MYPOP: variants seen among roughly 807,000 people sequenced by gnomAD.
MYPOP encodes myb-related transcription factor, partner of profilin.
In MYPOP, 21 loss-of-function variants were observed where a neutral mutation model predicts 25.7. The ratio of observed to expected loss-of-function variants is 0.82; its 90% CI spans 0.58 to 1.18. MYPOP has a LOEUF of 1.18. Among genes scored for constraint, MYPOP ranks in the 50% most tolerant of loss-of-function variants. MYPOP has a pLI of 0.00. For missense variants in MYPOP, 566 were observed against 588.3 expected, an observed-to-expected ratio of 0.96 and a Z score of 0.39; for synonymous variants, 280 against 247.9, an observed-to-expected ratio of 1.13 and a Z score of -1.22.
Position 45,901,189 on chromosome 19 carries a change from C to G in MYPOP, c.499+86G>C, listed in dbSNP as rs975099755. The G allele has an allele frequency of 2.4e-6, 3 of 1,259,810 alleles. No individual in the cohort carries two copies. Among genetic ancestry groups the G allele is most frequent in the Admixed American group, 3.9e-5 (1 of 25,758 alleles). The allele number at this position is 1,259,810 out of a possible 1,614,324, so 78.0% of individuals were successfully genotyped here. ...AAAATGGGGCGAAGGACAGCATCCA[C>G]CTCACAGGGCTGCAGCAAGGCTTTG... On this transcript the variant is annotated intron_variant, in intron 2 of 2. Transcript: ENST00000322217. The surrounding 1 kb of genome is among the most constrained non-coding windows in gnomAD (Gnocchi z 5.7).
intron 2 of MYPOP, among the ~76,000 whole-genome samples, chr19:45,892,588 T>C (rs1044568674): frequency 3.9e-5 from 6 of 152,190 alleles, no homozygotes; most frequent in Non-Finnish European, 7.3e-5. Context: ...GCTGGGCTTC[T>C]GATCCTCCCC....
chr19:45,893,776 GTATTT>G (rs1967160836), intron 2 of MYPOP, among the ~76,000 whole-genome samples: 1 of 149,344 alleles, frequency 6.7e-6, no homozygotes, highest in African/African-American at 2.5e-5. Context: ...ATTGTACGCT[GTATTT>G]TATTTTACTT....
chr19:45,895,198 G>C (rs926132924), intron 2 of MYPOP, among the ~76,000 whole-genome samples: 1 of 152,004 alleles, frequency 6.6e-6, no homozygotes, highest in Non-Finnish European at 1.5e-5. Context: ...GGGTTACCTG[G>C]CTGTAGCCAC....
At chr19:45,900,138 C>T (rs904690760) in intron 2 of MYPOP, among the ~76,000 whole-genome samples, 8 of 152,188 alleles carry the variant, frequency 5.3e-5, no homozygotes, top group African/African-American at 1.9e-4. Flanking sequence ...CTCCCCTTCT[C>T]CAAACTCTTC....
chr19:45,902,295 G>A (rs1967312912), intron 1 of MYPOP, among the ~76,000 whole-genome samples: 2 of 151,756 alleles, frequency 1.3e-5, no homozygotes, highest in Admixed American at 1.3e-4. Flanking sequence ...GCAACGGGGC[G>A]TCTGTAAGAC....
chr19:45,901,201 G>GC lies in MYPOP; in HGVS notation c.499+73dup. 1 of 1,324,578 alleles carries GC rather than the reference G, an allele frequency of 7.5e-7. No individual in the cohort carries two copies. The highest frequency in any genetic ancestry group is 3.1e-5 in the East Asian group (1 of 32,784). 82.1% of individuals were successfully genotyped at this position (1,324,578 alleles called of 1,614,324 possible). On this transcript the variant is annotated intron_variant, in intron 2 of 2. Transcript: ENST00000322217. The surrounding 1 kb of genome is among the most constrained non-coding windows in gnomAD (Gnocchi z 5.7). ...AGGACAGCATCCACCTCACAGGGCT[G>GC]CAGCAAGGCTTTGATGAGACATGTA... is the stretch of plus-strand genomic sequence containing the variant.
chr19:45,902,386 G>C (rs1484054047), intron 1 of MYPOP, among the ~76,000 whole-genome samples, 184 bp downstream of exon 1: 2 of 152,098 alleles, frequency 1.3e-5, no homozygotes, highest in Admixed American at 1.3e-4. Context: ...GAGCTGGAAC[G>C]ATCAAATATT....
intron 2 of MYPOP, among the ~76,000 whole-genome samples, chr19:45,891,771 A>T (rs1435853192): frequency 1.3e-5 from 2 of 151,568 alleles, no homozygotes; most frequent in Non-Finnish European, 2.9e-5. Context: ...AAGTCAGATC[A>T]TGCCTTGGAA....
chr19:45,890,753 A>C lies in MYPOP; in HGVS notation c.1070T>G (p.Ile357Ser), dbSNP rs1480595193. 3.9e-6 allele frequency: 6 copies of C among 1,552,526 alleles called. No individual in the cohort carries two copies. The Admixed American group carries it at 1.1e-4, about 30-fold the overall frequency. ...GAVVAARGVI[I>S]APRSEEGAPR... ...TGCCCCCTCCTCGCTCCTTGGGGCAATGATCACTCCCCTGGCTGCCACCAC... is the reference window on the plus strand; with the variant it reads ...TGCCCCCTCCTCGCTCCTTGGGGCACTGATCACTCCCCTGGCTGCCACCAC... Residue 357 changes from isoleucine (I) to serine (S), a missense_variant, in exon 3 of 3, where the codon ATT (isoleucine) becomes AGT (serine). Physicochemically the swap from Ile to Ser is moderately radical, Grantham distance 142. Coordinates refer to ENST00000322217, the MANE Select transcript of MYPOP (RefSeq NM_001012643.4).
At position 45,891,296 on chromosome 19, in the gene MYPOP, G is replaced by A; in HGVS notation, c.527C>T (p.Ser176Phe). The A allele has an allele frequency of 6.5e-7, 1 of 1,539,224 alleles. No individual in the cohort carries two copies. The highest frequency in any genetic ancestry group is 8.7e-7 in the Non-Finnish European group (1 of 1,149,912). Residue 176 changes from serine to phenylalanine, a missense_variant, in exon 3 of 3, where the codon TCC becomes TTC. Physicochemically the swap from Ser to Phe is radical, Grantham distance 155. Transcript: ENST00000322217. ...CCGGGCCCATGGCTCCGGGCTGCTG[G>A]AGCCCGCCTTGCTGTGGGCTGATGT... The part of the protein sequence containing the change: ...ADTSAHSKAG[S>F]SSPEPWARPS...
chr19:45,902,612 G>A lies in MYPOP; in HGVS notation c.-95C>T, dbSNP rs1214298986. ...CCGGTGGGTCAGGGCTCGGGCTTCT[G>A]CGGCCTGTTCCCACCCCCCGCCTCC... On this transcript the variant is annotated 5_prime_UTR_variant, in exon 1 of 3. Coordinates refer to ENST00000322217, the MANE Select transcript of MYPOP (RefSeq NM_001012643.4). The A allele has an allele frequency of 6.6e-6, 1 of 152,198 alleles. No individual in the cohort carries two copies. Among genetic ancestry groups the A allele is most frequent in the Non-Finnish European group, 1.5e-5 (1 of 68,038 alleles). 9.4% of individuals were successfully genotyped at this position (152,198 alleles called of 1,614,324 possible).
At chr19:45,894,010 C>T (rs979271862) in intron 2 of MYPOP, among the ~76,000 whole-genome samples, 1 of 151,128 alleles carries the variant, frequency 6.6e-6, no homozygotes, top group East Asian at 2.0e-4. Flanking sequence ...AGGATGGTCT[C>T]GATCTCCTGA....
Position 45,901,817 on chromosome 19 carries a change from G to C in MYPOP, c.-44C>G, listed in dbSNP as rs1171896704. On this transcript the variant is annotated 5_prime_UTR_variant, in exon 2 of 3. Transcript: ENST00000322217. This position sits in a 1 kb window ranked among gnomAD's most constrained non-coding sequence, Gnocchi z 5.7. ...CGTCCTGCCGTCTGGCGCATGGGGG[G>C]CGCCGGCGCTGCGGGCAAAGGGCGC... The C allele has an allele frequency of 1.8e-5, 24 of 1,341,712 alleles. No individual in the cohort carries two copies. The highest frequency in any genetic ancestry group is 2.2e-5 in the Non-Finnish European group (23 of 1,049,166). The allele number at this position is 1,341,712 out of a possible 1,614,324, so 83.1% of individuals were successfully genotyped here.
At chr19:45,891,929 A>AT (rs1436261397) in intron 2 of MYPOP, among the ~76,000 whole-genome samples, 2 of 151,438 alleles carry the variant, frequency 1.3e-5, no homozygotes, top group Non-Finnish European at 1.5e-5. Flanking sequence ...TATTTTTTTA[A>AT]TTTTTTTTGA....
chr19:45,900,028 C>G (rs1967264539), intron 2 of MYPOP, among the ~76,000 whole-genome samples: 1 of 152,188 alleles, frequency 6.6e-6, no homozygotes. Context: ...ATGCTTGAGT[C>G]CTGACTCTGT....
At position 45,891,329 on chromosome 19, in the gene MYPOP, G is replaced by A. The variant is rs761578623; in HGVS notation, c.500-6C>T. On this transcript the variant is annotated splice_polypyrimidine_tract_variant and splice_region_variant and intron_variant, in intron 2 of 2. Coordinates refer to ENST00000322217, the MANE Select transcript of MYPOP (RefSeq NM_001012643.4). ...CTTGCTGTGGGCTGATGTATCTGTA[G>A]AGAGAGAAATACAGGTAAGGGGTGA... 4.7e-6 allele frequency: 7 copies of A among 1,491,352 alleles called. No individual in the cohort carries two copies. In the East Asian group the frequency reaches 1.2e-4, roughly 25 times the overall value. 92.4% of individuals were successfully genotyped at this position (1,491,352 alleles called of 1,614,324 possible).
rs779480339 is a variant in MYPOP, at chr19:45,891,272, C to T, written c.551G>A (p.Arg184Gln). 28 of 1,550,448 alleles carry T rather than the reference C, an allele frequency of 1.8e-5. No individual in the cohort carries two copies. The highest frequency in any genetic ancestry group is 5.7e-5 in the Admixed American group (3 of 52,556). Residue 184 changes from arginine (R) to glutamine (Q), a missense_variant, in exon 3 of 3, where the codon CGG (arginine) becomes CAG (glutamine). By Grantham distance (43) the Arg-to-Gln change is conservative. Transcript: ENST00000322217. ...AGSSSPEPWA[R>Q]PSCTPQEGGC... ...CCCTTCCTGGGGAGTGCAGGAGGGCCGGGCCCATGGCTCCGGGCTGCTGGA... is the reference window on the plus strand; with the variant it reads ...CCCTTCCTGGGGAGTGCAGGAGGGCTGGGCCCATGGCTCCGGGCTGCTGGA...
At position 45,891,209 on chromosome 19, in the gene MYPOP, G is replaced by C. The variant is rs759380656; in HGVS notation, c.614C>G (p.Pro205Arg). The change falls in exon 3 of 3, where the codon CCT (proline) becomes CGT (arginine). Residue 205 changes from proline to arginine, a missense_variant. Physicochemically the swap from Pro to Arg is moderately radical, Grantham distance 103. Transcript: ENST00000322217. ...CAGCTGGACCGGCTGCAGGGCCGAA[G>C]GGGGTGGTGACTCACGCTCCTTGGG... ...PRPKERESPP[P>R]SALQPVQLPR... The C allele has an allele frequency of 2.0e-6, 3 of 1,535,554 alleles. No homozygotes were observed. The highest frequency in any genetic ancestry group is 2.6e-6 in the Non-Finnish European group (3 of 1,145,606).
chr19:45,901,900 CGA>C lies in MYPOP; in HGVS notation c.-52-77_-52-76del. On this transcript the variant is annotated intron_variant, in intron 1 of 2. Transcript: ENST00000322217. This position sits in a 1 kb window ranked among gnomAD's most constrained non-coding sequence, Gnocchi z 5.7. Reference sequence around the variant, plus strand: ...CGCCGCCTCTCCCAGACCGCCGGGCCGAGAGCTCCTTAGTCCCCGGGGGCAGG... The same window carrying C: ...CGCCGCCTCTCCCAGACCGCCGGGCCGAGCTCCTTAGTCCCCGGGGGCAGG... 1.3e-6 allele frequency: 1 copy of C among 765,232 alleles called. No homozygotes were observed. The highest frequency in any genetic ancestry group is 1.8e-6 in the Non-Finnish European group (1 of 566,462). The allele number at this position is 765,232 out of a possible 1,614,324, so 47.4% of individuals were successfully genotyped here. A position where few individuals can be genotyped will look rare whatever the true frequency, so the allele number is the denominator to read the frequency against.
Sources: allele counts gnomAD v4.1 joint callset (sites outside exome capture counted in the v4.1 genomes callset), GRCh38; gene constraint gnomAD v4.1.1; non-coding constraint Gnocchi (gnomAD v3.1); transcripts MANE v1.5; gene names NCBI Gene and HGNC (gene_info 2026-07-23, HGNC 2026-07-21).